The following DLC1 variants were observed in gnomAD, a reference collection of about 807,000 sequenced individuals.
The protein encoded by DLC1 is rho GTPase-activating protein 7.
In DLC1, 54 loss-of-function variants were observed where a neutral mutation model predicts 140.3. That is an observed-to-expected ratio of 0.38 (90% confidence interval 0.31 to 0.48). DLC1 has a LOEUF of 0.48. DLC1 is among the 20% of genes least tolerant of loss of function. The probability of loss-of-function intolerance (pLI) is 0.96; values close to 1 mark genes in which losing one functional copy is unlikely to be tolerated. For missense variants in DLC1, 2,536 were observed against 1,907.0 expected (o/e 1.33, Z -6.14); for synonymous variants, 986 against 728.1 (o/e 1.35, Z -5.70).
intron 4 of DLC1, among the ~76,000 whole-genome samples, chr8:13,309,719 G>A (rs1303110915): frequency 1.3e-5 from 2 of 152,090 alleles, no homozygotes; most frequent in Non-Finnish European, 2.9e-5. Flanking sequence ...GCACTTCCAG[G>A]AGAACCTCAG....
intron 4 of DLC1, among the ~76,000 whole-genome samples, chr8:13,379,550 T>C (rs1836160171): frequency 5.9e-5 from 9 of 152,178 alleles, no homozygotes. Context: ...TGAAAACATA[T>C]TGCTTTTGCA....
chr8:13,545,214 A>T (rs2117340968), intron 1 of DLC1, among the ~76,000 whole-genome samples: 1 of 152,062 alleles, frequency 6.6e-6, no homozygotes, highest in Non-Finnish European at 1.5e-5. Flanking sequence ...TTTTAATATG[A>T]ACAAAACATG....
intron 1 of DLC1, among the ~76,000 whole-genome samples, chr8:13,580,590 G>A (rs35274434): frequency 0.26 from 38,938 of 152,028 alleles, 5,922 homozygotes; most frequent in Non-Finnish European, 0.35. Flanking sequence ...TCTTGCAGAG[G>A]TGAGATGGAC....
intron 1 of DLC1, among the ~76,000 whole-genome samples, chr8:13,572,658 T>G (rs1216314097): frequency 6.6e-6 from 1 of 152,192 alleles, no homozygotes; most frequent in Non-Finnish European, 1.5e-5. Flanking sequence ...GTTAGTCTTT[T>G]GTTTATGGTG....
intron 4 of DLC1, among the ~76,000 whole-genome samples, chr8:13,343,781 T>G (rs960736283): frequency 6.6e-6 from 1 of 152,188 alleles, no homozygotes; most frequent in Non-Finnish European, 1.5e-5. Context: ...TTTAAGGCCT[T>G]TGGTTCAATT....
chr8:13,526,542 T>G (rs535452584), intron 1 of DLC1, among the ~76,000 whole-genome samples: 1 of 152,310 alleles, frequency 6.6e-6, no homozygotes, highest in South Asian at 2.1e-4. Flanking sequence ...CTCTAGTACT[T>G]TATATTTTGA....
intron 1 of DLC1, among the ~76,000 whole-genome samples, chr8:13,529,187 C>G (rs1340496932): frequency 1.3e-5 from 2 of 151,950 alleles, no homozygotes; most frequent in Non-Finnish European, 2.9e-5. Context: ...ACTTGCTGTT[C>G]AAATGCTGAT....
At chr8:13,514,546 CT>C (rs1462122620) in intron 1 of DLC1, 55 bp downstream of exon 1, 2 of 398,348 alleles carry the variant, frequency 5.0e-6, no homozygotes, top group African/African-American at 4.1e-5. Flanking sequence ...TTATCTCAAT[CT>C]TTCTGCCTCT....
At chr8:13,441,468 A>G (rs1798507332) in intron 2 of DLC1, among the ~76,000 whole-genome samples, 1 of 152,222 alleles carries the variant, frequency 6.6e-6, no homozygotes, top group Non-Finnish European at 1.5e-5. Context: ...CCGCATCGTC[A>G]CAGCCCAAAA....
intron 5 of DLC1, among the ~76,000 whole-genome samples, chr8:13,250,824 C>T (rs1200351349): frequency 6.6e-6 from 1 of 152,050 alleles, no homozygotes; most frequent in Non-Finnish European, 1.5e-5. Context: ...CCCAAACAAG[C>T]TTCTATTATT....
At chr8:13,560,318 C>T (rs971414732) in intron 1 of DLC1, among the ~76,000 whole-genome samples, 6 of 152,090 alleles carry the variant, frequency 3.9e-5, no homozygotes, top group African/African-American at 1.4e-4. Flanking sequence ...AAAACTAATA[C>T]TTTCTTAAAA....
At chr8:13,186,670 C>G (rs1826387486) in intron 5 of DLC1, among the ~76,000 whole-genome samples, 1 of 152,224 alleles carries the variant, frequency 6.6e-6, no homozygotes, top group Non-Finnish European at 1.5e-5. Context: ...CAAAGTCATT[C>G]TCCATCCAGC....
chr8:13,432,776 G>C (rs1838943486), intron 2 of DLC1, among the ~76,000 whole-genome samples: 1 of 152,042 alleles, frequency 6.6e-6, no homozygotes, highest in Non-Finnish European at 1.5e-5. Context: ...ATAAGACAGA[G>C]TCACATGAAG....
chr8:13,391,460 G>T (rs1381170315), intron 4 of DLC1, among the ~76,000 whole-genome samples: 1 of 152,118 alleles, frequency 6.6e-6, no homozygotes, highest in African/African-American at 2.4e-5. Context: ...TTCAATAATT[G>T]ATTTAAATAT....
chr8:13,175,188 C>G (rs1825691223), intron 5 of DLC1, among the ~76,000 whole-genome samples: 1 of 151,928 alleles, frequency 6.6e-6, no homozygotes, highest in Non-Finnish European at 1.5e-5. Flanking sequence ...AGTTTTATTT[C>G]TGGGTTCTCT....
intron 4 of DLC1, chr8:13,341,598 G>C (rs373648983): frequency 8.5e-5 from 13 of 152,288 alleles, no homozygotes; most frequent in African/African-American, 2.6e-4. Context: ...TCGCTGCTGG[G>C]CTTCAGAGGA....
intron 1 of DLC1, chr8:13,568,032 C>A: frequency 1.4e-5 from 19 of 1,374,746 alleles, no homozygotes; most frequent in Non-Finnish European, 1.8e-5. Flanking sequence ...TAAGACTTTA[C>A]TATGCTTCCT....
intron 2 of DLC1, among the ~76,000 whole-genome samples, chr8:13,438,777 A>G (rs2116910160): frequency 6.6e-6 from 1 of 152,248 alleles, no homozygotes; most frequent in Non-Finnish European, 1.5e-5. Flanking sequence ...TCGCTGTCCA[A>G]AACAGCCGCC....
At chr8:13,399,559 C>A (rs370779207) in intron 3 of DLC1, among the ~76,000 whole-genome samples, 3 of 152,142 alleles carry the variant, frequency 2.0e-5, no homozygotes, top group African/African-American at 7.2e-5. Flanking sequence ...CCCATTCATC[C>A]TATGAGATTG....
Sources: gnomAD v4.1 joint callset for allele counts (sites outside exome capture counted in the v4.1 genomes callset) on GRCh38, gnomAD v4.1.1 for gene constraint, MANE v1.5 for transcripts, NCBI Gene and HGNC (gene_info 2026-07-23, HGNC 2026-07-21) for gene names.